PKHD1: variants seen among roughly 807,000 people sequenced by gnomAD.
The protein encoded by PKHD1 is fibrocystin.
In PKHD1, 291 loss-of-function variants were observed where a neutral mutation model predicts 412.0. The observed-to-expected ratio is 0.71, with a 90% confidence interval of 0.64 to 0.78. The LOEUF is 0.78. PKHD1 is among the 30% of genes least tolerant of loss of function. PKHD1 has a pLI of 0.00. For missense variants in PKHD1, 4,825 were observed against 4,950.7 expected (o/e 0.97, Z 0.76); for synonymous variants, 1,777 against 1,821.5 (o/e 0.98, Z 0.62).
At chr6:52,031,835 T>C (rs1478101180) in intron 29 of PKHD1, among the ~76,000 whole-genome samples, 2 of 152,212 alleles carry the variant, frequency 1.3e-5, no homozygotes, top group South Asian at 2.1e-4. Flanking sequence ...TAAATACAAG[T>C]ATAAATTTTG....
At chr6:51,777,905 G>A (rs141197729) in intron 53 of PKHD1, among the ~76,000 whole-genome samples, 49 of 152,194 alleles carry the variant, frequency 3.2e-4, no homozygotes, top group South Asian at 8.3e-4. Context: ...TTAGCCTGCC[G>A]TGATATTTTG....
At chr6:51,722,623 A>G (rs1375973804) in intron 60 of PKHD1, among the ~76,000 whole-genome samples, 3 of 152,242 alleles carry the variant, frequency 2.0e-5, no homozygotes, top group Non-Finnish European at 4.4e-5. Flanking sequence ...AGCTATTGGA[A>G]TAGTAGTAAC....
chr6:52,018,067 G>C (rs1041711898), intron 33 of PKHD1, among the ~76,000 whole-genome samples: 1 of 152,076 alleles, frequency 6.6e-6, no homozygotes, highest in African/African-American at 2.4e-5. Flanking sequence ...TCTTGGGTCT[G>C]ATTTTTTCAT....
intron 35 of PKHD1, among the ~76,000 whole-genome samples, chr6:52,009,491 T>G (rs1581722315): frequency 6.6e-6 from 1 of 152,060 alleles, no homozygotes; most frequent in Admixed American, 6.5e-5. Context: ...AAATGTTTGT[T>G]CCAAATAAAA....
At chr6:52,078,682 C>T (rs984780726) in intron 5 of PKHD1, among the ~76,000 whole-genome samples, 3 of 152,116 alleles carry the variant, frequency 2.0e-5, no homozygotes, top group African/African-American at 7.2e-5. Context: ...AAACGTTTCT[C>T]TTATTTCCCC....
intron 37 of PKHD1, among the ~76,000 whole-genome samples, chr6:51,932,998 T>C (rs1013341529): frequency 9.2e-5 from 14 of 152,186 alleles, no homozygotes; most frequent in Admixed American, 2.0e-4. Context: ...AGTGGATTAT[T>C]TTGTGATGCC....
rs148990124 is a variant in PKHD1, at chr6:51,754,910, G to A, written c.8671C>T (p.Arg2891Cys). Residue 2891 changes from arginine (R) to cysteine (C), a missense_variant, in exon 56 of 67, where the codon CGC becomes TGC. By Grantham distance (180) the Arg-to-Cys change is radical. Coordinates refer to ENST00000371117, the MANE Select transcript of PKHD1 (RefSeq NM_138694.4). ...RIIVEDAVDW[R>C]PHDKIVLSSS... ...CTAAGGACTATTTTGTCATGGGGGC[G>A]CCAATCCACTGCATCTTCTACTATA... is the stretch of plus-strand genomic sequence containing the variant. The A allele has an allele frequency of 3.6e-5, 58 of 1,613,046 alleles. No individual in the cohort carries two copies. Among genetic ancestry groups the A allele is most frequent in the South Asian group, 1.5e-4 (14 of 91,066 alleles).
In PKHD1 at chr6:51,867,926, C is replaced by A. The variant is rs1251139605; in HGVS notation, c.7670G>T (p.Gly2557Val). 6.2e-7 allele frequency: 1 copy of A among 1,613,290 alleles called. No individual in the cohort carries two copies. The highest frequency in any genetic ancestry group is 1.1e-5 in the South Asian group (1 of 91,062). The change falls in exon 48 of 67, where the codon GGT (glycine) becomes GTT (valine). Residue 2557 changes from glycine (G) to valine (V), a missense_variant. By Grantham distance (109) the Gly-to-Val change is moderately radical. Coordinates refer to ENST00000371117, the MANE Select transcript of PKHD1 (RefSeq NM_138694.4). ...ACAGGCACTGCCATGGACAACCCGA[C>A]CAAAGCTTGAATTGACCAAACAAGA... ...SASCLVNSSF[G>V]RVVHGSACGG...
In PKHD1 at chr6:51,658,971, T is replaced by C. The variant is rs1183669280; in HGVS notation, c.11155A>G (p.Lys3719Glu). Reference protein sequence around the residue: ...TIGALLVTQSKGVIGYGNTSS... With the variant: ...TIGALLVTQSEGVIGYGNTSS... ...ACTTACCCATAGCCAATGACTCCCT[T>C]TGACTGAGTAACTAGTAAGGCCCCG... The change falls in exon 61 of 67, where the codon AAG becomes GAG. Residue 3719 changes from lysine (K) to glutamate (E), a missense_variant. Coordinates refer to ENST00000371117, the MANE Select transcript of PKHD1 (RefSeq NM_138694.4). 6.2e-7 allele frequency: 1 copy of C among 1,611,978 alleles called. No individual in the cohort carries two copies. Among genetic ancestry groups the C allele is most frequent in the Non-Finnish European group, 8.5e-7 (1 of 1,178,168 alleles).
chr6:51,854,010 T>C (rs1252585701), intron 49 of PKHD1, among the ~76,000 whole-genome samples: 2 of 152,218 alleles, frequency 1.3e-5, no homozygotes, highest in East Asian at 1.9e-4. Flanking sequence ...CTGGCCTTTT[T>C]GGTTTTCAGC....
chr6:52,086,054 T>C (rs1812722979), intron 1 of PKHD1, among the ~76,000 whole-genome samples: 1 of 146,968 alleles, frequency 6.8e-6, no homozygotes, highest in Non-Finnish European at 1.5e-5. Context: ...TATAAATATA[T>C]TTAATATATA....
At chr6:51,847,708 G>C in intron 50 of PKHD1, 67 bp downstream of exon 50, 1 of 1,130,144 alleles carries the variant, frequency 8.8e-7, no homozygotes, top group Non-Finnish European at 1.3e-6. Context: ...CAAATGTCTG[G>C]AATTGAAGGG....
At chr6:51,756,308 T>C (rs755495941) in intron 55 of PKHD1, among the ~76,000 whole-genome samples, 7 of 152,146 alleles carry the variant, frequency 4.6e-5, no homozygotes, top group Non-Finnish European at 1.0e-4. Flanking sequence ...TCCAAATAGA[T>C]TTAAATAACA....
chr6:51,909,329 G>A lies in PKHD1; in HGVS notation c.6636C>T (p.Ala2212=). 6.2e-7 allele frequency: 1 copy of A among 1,613,470 alleles called. No homozygotes were observed. The highest frequency in any genetic ancestry group is 8.5e-7 in the Non-Finnish European group (1 of 1,179,630). Reference sequence around the variant, plus strand: ...TGAGTGAGCTCAGATGCTTATGGAAGGCTTGCCCCAAGACTTGAAACTGCA... The same window carrying A: ...TGAGTGAGCTCAGATGCTTATGGAAAGCTTGCCCCAAGACTTGAAACTGCA... ...KGVQFQVLGQ[A]FHKHLSSLTL... Residue 2212 remains alanine (A), a synonymous_variant, in exon 40 of 67, where the codon GCC becomes GCT. Transcript: ENST00000371117.
At chr6:51,681,759 T>G (rs542721520) in intron 60 of PKHD1, among the ~76,000 whole-genome samples, 1 of 152,074 alleles carries the variant, frequency 6.6e-6, no homozygotes, top group Non-Finnish European at 1.5e-5. Flanking sequence ...CCACTGGCTA[T>G]TGTTATAAAC....
chr6:51,952,827 G>A (rs1790555117), intron 36 of PKHD1, among the ~76,000 whole-genome samples: 3 of 152,068 alleles, frequency 2.0e-5, no homozygotes, highest in African/African-American at 7.2e-5. Context: ...CAGCCCCTTA[G>A]GGTACCATGC....
chr6:52,035,570 A>G (rs552633163), intron 28 of PKHD1, 21 bp downstream of exon 28: 1 of 1,610,522 alleles, frequency 6.2e-7, no homozygotes, highest in African/African-American at 1.3e-5. Flanking sequence ...AGAGAAAGAG[A>G]TATGAAAGGA....
At chr6:51,710,258 T>C (rs1354667415) in intron 60 of PKHD1, among the ~76,000 whole-genome samples, 1 of 152,150 alleles carries the variant, frequency 6.6e-6, no homozygotes, top group Admixed American at 6.5e-5. Flanking sequence ...AAAGTTCAGT[T>C]TGGGAATCTT....
intron 49 of PKHD1, among the ~76,000 whole-genome samples, chr6:51,853,583 T>C (rs1314315762): frequency 6.6e-6 from 1 of 152,254 alleles, no homozygotes; most frequent in Non-Finnish European, 1.5e-5. Flanking sequence ...TTCAGTCTTT[T>C]TATGAAATCC....
Sources: allele counts gnomAD v4.1 joint callset (sites outside exome capture counted in the v4.1 genomes callset), GRCh38; gene constraint gnomAD v4.1.1; transcripts MANE v1.5; gene names NCBI Gene and HGNC (gene_info 2026-07-23, HGNC 2026-07-21).